Variants in SGCD observed in about 807,000 individuals in gnomAD.
SGCD encodes sarcoglycan delta.
A neutral mutation model predicts 36.6 loss-of-function variants in SGCD; 18 were observed. That is an observed-to-expected ratio of 0.49 (90% CI 0.34 to 0.73). The LOEUF is 0.73. SGCD is among the 30% of genes least tolerant of loss of function. The pLI is 0.01. For synonymous variants in SGCD, 133 were observed against 130.6 expected (o/e 1.02, Z -0.12); for missense variants, 387 against 346.7 (o/e 1.12, Z -0.92).
At chr5:156,377,035 A>G (rs1770708801) in intron 3 of SGCD, among the ~76,000 whole-genome samples, 1 of 152,200 alleles carries the variant, frequency 6.6e-6, no homozygotes, top group South Asian at 2.1e-4. Context: ...AGATATAAAT[A>G]TCTTGAAACC....
chr5:156,135,162 A>G (rs974786655), intron 3 of SGCD, among the ~76,000 whole-genome samples: 8 of 151,784 alleles, frequency 5.3e-5, no homozygotes, highest in African/African-American at 1.9e-4. Flanking sequence ...AAAATAGGTC[A>G]TTTTCTCATG....
At chr5:156,151,626 G>C (rs1762837480) in intron 3 of SGCD, among the ~76,000 whole-genome samples, 1 of 151,374 alleles carries the variant, frequency 6.6e-6, no homozygotes, top group Non-Finnish European at 1.5e-5. Context: ...CAACTTCTCT[G>C]AGCACCAAGA....
chr5:156,370,980 G>A (rs1202012912), intron 3 of SGCD, among the ~76,000 whole-genome samples: 2 of 149,156 alleles, frequency 1.3e-5, no homozygotes, highest in East Asian at 2.0e-4. Flanking sequence ...CTGGAAGGGG[G>A]AAAAAAAAAC....
At chr5:156,527,780 A>AC (rs1428364758) in intron 4 of SGCD, among the ~76,000 whole-genome samples, 1 of 152,198 alleles carries the variant, frequency 6.6e-6, no homozygotes, top group Non-Finnish European at 1.5e-5. Context: ...ATGGTCCTGC[A>AC]CCTGTTGTCC....
At chr5:156,625,534 A>G (rs1033582414) in intron 6 of SGCD, among the ~76,000 whole-genome samples, 3 of 152,196 alleles carry the variant, frequency 2.0e-5, no homozygotes, top group Non-Finnish European at 1.5e-5. Context: ...ATTATTTTCT[A>G]TATTCTCATC....
At chr5:156,707,405 A>G (rs965117563) in intron 7 of SGCD, among the ~76,000 whole-genome samples, 2 of 152,152 alleles carry the variant, frequency 1.3e-5, no homozygotes, top group Non-Finnish European at 2.9e-5. Flanking sequence ...ATGTGCTTCA[A>G]TTTTACACAT....
chr5:156,249,726 A>AC (rs1454662380), intron 3 of SGCD, among the ~76,000 whole-genome samples: 1 of 152,076 alleles, frequency 6.6e-6, no homozygotes, highest in African/African-American at 2.4e-5. Context: ...GTAAAAAAAA[A>AC]AAAAAGTGTG....
chr5:156,082,689 G>T (rs183360610), intron 1 of SGCD, among the ~76,000 whole-genome samples: 17 of 152,230 alleles, frequency 1.1e-4, no homozygotes, highest in African/African-American at 3.9e-4. Flanking sequence ...ATGAATATTC[G>T]TGTTCTAGTT....
At chr5:156,069,434 A>G (rs1391902430) in intron 1 of SGCD, among the ~76,000 whole-genome samples, 2 of 152,030 alleles carry the variant, frequency 1.3e-5, no homozygotes, top group Non-Finnish European at 1.5e-5. Context: ...AGATAGTTGT[A>G]GATATGTGGC....
chr5:156,691,653 T>C (rs939103565), intron 7 of SGCD, among the ~76,000 whole-genome samples: 1 of 152,202 alleles, frequency 6.6e-6, no homozygotes, highest in African/African-American at 2.4e-5. Context: ...AGTATTCTTT[T>C]AATTTTAACC....
intron 1 of SGCD, among the ~76,000 whole-genome samples, chr5:156,076,127 G>A (rs1190130919): frequency 6.6e-6 from 1 of 151,850 alleles, no homozygotes; most frequent in Non-Finnish European, 1.5e-5. Flanking sequence ...CTGAAATAGG[G>A]AGTGATGAAA....
At chr5:156,597,673 T>A (rs280470) in intron 6 of SGCD, among the ~76,000 whole-genome samples, 39,519 of 152,050 alleles carry the variant, frequency 0.26, 5,212 homozygotes, top group East Asian at 0.31. Context: ...GGAGTCTTAG[T>A]ATAGTTTGAT....
intron 1 of SGCD, among the ~76,000 whole-genome samples, chr5:155,925,846 G>T (rs565225049): frequency 6.6e-6 from 1 of 152,120 alleles, no homozygotes; most frequent in South Asian, 2.1e-4. Context: ...CGAACTCCTG[G>T]CCTCAAGTGA....
the SGCD span, among the ~76,000 whole-genome samples, chr5:155,745,654 T>C: frequency 1.3e-5 from 2 of 151,956 alleles, no homozygotes; most frequent in Non-Finnish European, 2.9e-5. Context: ...GAGTAGAATA[T>C]ATAAAAAGCT....
At chr5:156,746,386 C>A (rs934892536) in intron 7 of SGCD, among the ~76,000 whole-genome samples, 2 of 152,102 alleles carry the variant, frequency 1.3e-5, no homozygotes, top group Non-Finnish European at 2.9e-5. Flanking sequence ...ATCAAGGATT[C>A]TTTTGATATT....
intron 1 of SGCD, among the ~76,000 whole-genome samples, chr5:155,883,247 C>G (rs928108936): frequency 6.6e-6 from 1 of 152,118 alleles, no homozygotes; most frequent in Admixed American, 6.5e-5. Context: ...TGTTTTCTTA[C>G]CATTCATGTG....
intron 3 of SGCD, among the ~76,000 whole-genome samples, chr5:156,268,350 G>C (rs1020975071): frequency 6.6e-6 from 1 of 152,078 alleles, no homozygotes; most frequent in African/African-American, 2.4e-5. Context: ...GGATTTTTGA[G>C]TGGAATGATA....
At chr5:156,166,149 T>G (rs1007259499) in intron 3 of SGCD, among the ~76,000 whole-genome samples, 1 of 151,560 alleles carries the variant, frequency 6.6e-6, no homozygotes, top group Non-Finnish European at 1.5e-5. Flanking sequence ...TGGAGTTTTC[T>G]TTTTAGTAAA....
intron 4 of SGCD, among the ~76,000 whole-genome samples, chr5:156,517,532 C>T (rs181521542): frequency 1.3e-5 from 2 of 152,138 alleles, no homozygotes; most frequent in East Asian, 1.9e-4. Flanking sequence ...CCCCAAGACA[C>T]ACAATCATCA....
Sources: allele counts gnomAD v4.1 joint callset (sites outside exome capture counted in the v4.1 genomes callset), GRCh38; gene constraint gnomAD v4.1.1; transcripts MANE v1.5; gene names NCBI Gene and HGNC (gene_info 2026-07-23, HGNC 2026-07-21).